The following AGBL4 variants were observed in gnomAD, a reference collection of about 807,000 sequenced individuals.
AGBL4 encodes AGBL carboxypeptidase 4, also known as cytosolic carboxypeptidase 6.
Under a neutral mutation model 66.4 loss-of-function variants are expected in AGBL4, and 58 were observed. The observed-to-expected ratio is 0.87, with a 90% CI of 0.71 to 1.09. The LOEUF (loss-of-function observed/expected upper bound fraction) is 1.09, where lower values mean the gene tolerates loss of function less well. Ranked by LOEUF, AGBL4 falls within the 50% of genes least tolerant of loss-of-function variation. AGBL4 has a pLI of 0.00. For missense variants in AGBL4, 579 were observed against 631.0 expected (o/e 0.92, Z 0.88); for synonymous variants, 234 against 222.9 (o/e 1.05, Z -0.44).
At chr1:49,072,384 T>C (rs1644624911) in intron 4 of AGBL4, among the ~76,000 whole-genome samples, 1 of 152,204 alleles carries the variant, frequency 6.6e-6, no homozygotes, top group Non-Finnish European at 1.5e-5. Flanking sequence ...TGGTACCGGT[T>C]GTCCCTTTCT....
chr1:50,000,284 G>T (rs557936817), intron 1 of AGBL4, among the ~76,000 whole-genome samples: 1 of 152,152 alleles, frequency 6.6e-6, no homozygotes, highest in East Asian at 1.9e-4. Flanking sequence ...ATTATCAAAA[G>T]AAGATATACA....
intron 4 of AGBL4, among the ~76,000 whole-genome samples, chr1:49,055,057 A>C (rs543737045): frequency 6.6e-6 from 1 of 152,180 alleles, no homozygotes; most frequent in Non-Finnish European, 1.5e-5. Context: ...TTAAATGGTG[A>C]AAGCAAAATT....
chr1:48,962,857 T>C (rs1049783397), intron 5 of AGBL4, among the ~76,000 whole-genome samples: 4 of 152,066 alleles, frequency 2.6e-5, no homozygotes, highest in African/African-American at 7.3e-5. Context: ...CATCCTGGGT[T>C]GAGTCTTGAT....
chr1:48,831,235 A>T (rs1270017048), intron 6 of AGBL4, among the ~76,000 whole-genome samples: 6 of 152,142 alleles, frequency 3.9e-5, no homozygotes, highest in Non-Finnish European at 8.8e-5. Context: ...TGGGCAAGTC[A>T]CCTCAGCTCT....
In AGBL4 at chr1:49,260,598, A is replaced by T. The variant is rs534435099; in HGVS notation, c.283-14734T>A. On this transcript the variant is annotated intron_variant, in intron 3 of 13. Coordinates refer to ENST00000371839, the MANE Select transcript of AGBL4 (RefSeq NM_032785.4). ...TCCTCGACACATACACCCTCCCAAG[A>T]CTAAACCAGGAAGAAGTTGAATCTC... Among the ~76,000 whole-genome samples, 50 of 152,304 alleles carry T rather than the reference A, an allele frequency of 3.3e-4. 1 individual carries two copies. The South Asian group carries it at 9.5e-3, about 29-fold the overall frequency.
chr1:49,391,279 G>C (rs1396583037), intron 3 of AGBL4, among the ~76,000 whole-genome samples: 1 of 152,176 alleles, frequency 6.6e-6, no homozygotes, highest in Non-Finnish European at 1.5e-5. Flanking sequence ...TTAGTGAAAA[G>C]ACATCACAGG....
chr1:49,835,572 T>C (rs548420757), intron 2 of AGBL4, among the ~76,000 whole-genome samples: 7 of 152,326 alleles, frequency 4.6e-5, no homozygotes, highest in African/African-American at 1.2e-4. Flanking sequence ...CCCATTTGCA[T>C]TTAAGGCTAA....
chr1:49,068,712 G>A (rs1201993707), intron 4 of AGBL4, among the ~76,000 whole-genome samples: 1 of 152,186 alleles, frequency 6.6e-6, no homozygotes, highest in Non-Finnish European at 1.5e-5. Context: ...TGTCTTTATA[G>A]TAGAATGATT....
chr1:49,610,061 C>A (rs1016860750), intron 3 of AGBL4, among the ~76,000 whole-genome samples: 1 of 151,862 alleles, frequency 6.6e-6, no homozygotes, highest in African/African-American at 2.4e-5. Context: ...TAAGCAAATG[C>A]AGGCAATAGA....
At chr1:48,859,727 G>A (rs147440967) in intron 6 of AGBL4, among the ~76,000 whole-genome samples, 2 of 152,286 alleles carry the variant, frequency 1.3e-5, no homozygotes, top group Admixed American at 6.5e-5. Context: ...GCAATTTGAT[G>A]TAATTGTTAC....
chr1:49,445,236 T>C (rs1031342793), intron 3 of AGBL4, among the ~76,000 whole-genome samples: 2 of 152,092 alleles, frequency 1.3e-5, no homozygotes, highest in African/African-American at 4.8e-5. Flanking sequence ...GTTTTCTCTA[T>C]AGGTGACTAT....
chr1:48,875,145 C>T (rs1353217279), intron 5 of AGBL4, among the ~76,000 whole-genome samples: 2 of 152,158 alleles, frequency 1.3e-5, no homozygotes, highest in African/African-American at 4.8e-5. Context: ...ACAGATATGT[C>T]AAGCAAATAA....
intron 3 of AGBL4, among the ~76,000 whole-genome samples, chr1:49,647,330 G>A (rs1421093441): frequency 6.6e-6 from 1 of 151,992 alleles, no homozygotes; most frequent in African/African-American, 2.4e-5. Flanking sequence ...AGAGAAATGA[G>A]ATCATAAGGC....
chr1:48,937,663 GAAATA>G (rs1162221456), intron 5 of AGBL4, among the ~76,000 whole-genome samples: 3 of 151,922 alleles, frequency 2.0e-5, no homozygotes, highest in Admixed American at 6.6e-5. Flanking sequence ...GACTTTAATG[GAAATA>G]AAATAACCAA....
At chr1:49,793,937 C>A (rs1571580351) in intron 2 of AGBL4, among the ~76,000 whole-genome samples, 1 of 151,704 alleles carries the variant, frequency 6.6e-6, no homozygotes, top group Non-Finnish European at 1.5e-5. Context: ...AAGACTGATT[C>A]AAGAAAGAGA....
chr1:49,800,454 C>T (rs12049527), intron 2 of AGBL4, among the ~76,000 whole-genome samples: 32,409 of 128,168 alleles, frequency 0.25, 5,308 homozygotes, highest in Middle Eastern at 0.37. Context: ...CATGCTGGTG[C>T]GCTGCACCCA....
chr1:49,882,121 C>T (rs964656659), intron 1 of AGBL4, among the ~76,000 whole-genome samples: 5 of 151,988 alleles, frequency 3.3e-5, no homozygotes, highest in Non-Finnish European at 7.3e-5. Context: ...GCCAGTTTTC[C>T]AAGCACCATT....
chr1:49,574,491 C>T (rs1231728873), intron 3 of AGBL4, among the ~76,000 whole-genome samples: 1 of 152,102 alleles, frequency 6.6e-6, no homozygotes, highest in African/African-American at 2.4e-5. Context: ...CTGGATTAGT[C>T]ACTTTAGACC....
At chr1:49,562,448 C>G in intron 3 of AGBL4, among the ~76,000 whole-genome samples, 1 of 152,080 alleles carries the variant, frequency 6.6e-6, no homozygotes, top group Non-Finnish European at 1.5e-5. Context: ...TGAGGTCTAA[C>G]ATGTAAGTCT....
Sources: allele counts gnomAD v4.1 joint callset (sites outside exome capture counted in the v4.1 genomes callset), GRCh38; gene constraint gnomAD v4.1.1; transcripts MANE v1.5; gene names NCBI Gene and HGNC (gene_info 2026-07-23, HGNC 2026-07-21).